Variants in TENM2 observed in about 807,000 individuals in gnomAD.
TENM2 encodes teneurin-2.
In TENM2, 52 loss-of-function variants were observed where a neutral mutation model predicts 245.2. The observed-to-expected ratio is 0.21, with a 90% CI of 0.17 to 0.27. The LOEUF (loss-of-function observed/expected upper bound fraction) is 0.27. Among genes scored for constraint, TENM2 ranks in the 10% least tolerant of loss-of-function variants. The probability of loss-of-function intolerance (pLI) is 1.00; values close to 1 mark genes in which losing one functional copy is unlikely to be tolerated. For synonymous variants in TENM2, 1,363 were observed against 1,438.9 expected (o/e 0.95, Z 1.19); for missense variants, 3,046 against 3,666.8 (o/e 0.83, Z 4.37).
At chr5:167,350,596 A>ATGGATATATATATGGGATATATATATG (rs1758781406) in intron 1 of TENM2, among the ~76,000 whole-genome samples, 1 of 136,274 alleles carries the variant, frequency 7.3e-6, no homozygotes. Context: ...ATATATATAT[A>ATGGATATATATATGGGATATATATATG]TGGATATATA....
At chr5:167,613,785 T>G (rs1267247242) in intron 2 of TENM2, among the ~76,000 whole-genome samples, 5 of 152,190 alleles carry the variant, frequency 3.3e-5, no homozygotes, top group Admixed American at 2.6e-4. Context: ...AGTGTCATAT[T>G]TTAACACAGC....
In TENM2 at chr5:168,241,762, G is replaced by A. The variant is rs550534616; in HGVS notation, c.5521-2658G>A. Among the ~76,000 whole-genome samples, 10 of 152,248 alleles carry A rather than the reference G, an allele frequency of 6.6e-5. No homozygotes were observed. In the South Asian group the frequency reaches 2.1e-3, roughly 32 times the overall value. Reference sequence around the variant, plus strand: ...TTCTATGTCATGAAAGTGAAAATGGGATCAGGTATGTAAAGTACCTAGCAT... The same window carrying A: ...TTCTATGTCATGAAAGTGAAAATGGAATCAGGTATGTAAAGTACCTAGCAT... On this transcript the variant is annotated intron_variant, in intron 25 of 28. Transcript: ENST00000518659.
intron 13 of TENM2, chr5:168,165,917 T>C (rs1207227599): frequency 6.6e-6 from 1 of 152,048 alleles, no homozygotes; most frequent in East Asian, 1.9e-4. Flanking sequence ...CATAAGCAAT[T>C]CACAATTAAC....
chr5:168,063,023 A>G (rs1282669588), intron 7 of TENM2, among the ~76,000 whole-genome samples: 1 of 152,330 alleles, frequency 6.6e-6, no homozygotes, highest in Admixed American at 6.5e-5. Flanking sequence ...TGTCGTATGA[A>G]TTTTATCTCC....
At chr5:167,737,727 G>A (rs564767481) in intron 2 of TENM2, among the ~76,000 whole-genome samples, 2 of 152,320 alleles carry the variant, frequency 1.3e-5, no homozygotes, top group East Asian at 3.9e-4. Context: ...TGTTGATGTA[G>A]CACTGCCTCT....
intron 1 of TENM2, among the ~76,000 whole-genome samples, chr5:167,312,410 T>G (rs1447572217): frequency 6.6e-6 from 1 of 152,102 alleles, no homozygotes; most frequent in Admixed American, 6.5e-5. Context: ...AAATATTGCT[T>G]AGAGTTCATG....
At chr5:168,206,266 T>C (rs1325403595) in intron 19 of TENM2, among the ~76,000 whole-genome samples, 2 of 151,996 alleles carry the variant, frequency 1.3e-5, no homozygotes, top group Admixed American at 6.6e-5. Flanking sequence ...GAGCCAAGAG[T>C]GTGCCAGGGA....
At chr5:167,630,849 C>T (rs1306845640) in intron 2 of TENM2, among the ~76,000 whole-genome samples, 1 of 152,182 alleles carries the variant, frequency 6.6e-6, no homozygotes, top group East Asian at 1.9e-4. Flanking sequence ...GGGAAAGCCC[C>T]AGAGTGGGAA....
intron 2 of TENM2, among the ~76,000 whole-genome samples, chr5:167,632,631 C>T (rs1778948239): frequency 6.6e-6 from 1 of 152,250 alleles, no homozygotes; most frequent in South Asian, 2.1e-4. Context: ...ATTTGGAGCA[C>T]ACCAGTATAG....
In TENM2 at chr5:167,669,862, GT is replaced by G. The variant is rs5873056; in HGVS notation, c.503-206113del. Among the ~76,000 whole-genome samples the G allele has an allele frequency of 2.0e-3, 302 of 148,172 alleles. 5 individuals are homozygous for G. The Middle Eastern group carries it at 0.042, about 21-fold the overall frequency. ...AAAATCTATTGCTGCCACTTTTGAGGTTTTTTTTTTTAAATAAAAGACTATT... is the reference window on the plus strand; with the variant it reads ...AAAATCTATTGCTGCCACTTTTGAGGTTTTTTTTTTAAATAAAAGACTATT... On this transcript the variant is annotated intron_variant, in intron 2 of 28. Transcript: ENST00000518659.
At chr5:167,331,109 G>T (rs553089723) in intron 1 of TENM2, among the ~76,000 whole-genome samples, 1 of 151,766 alleles carries the variant, frequency 6.6e-6, no homozygotes, top group African/African-American at 2.4e-5. Flanking sequence ...GGTGGCACGT[G>T]CCTGTAGTCC....
intron 2 of TENM2, among the ~76,000 whole-genome samples, chr5:167,518,492 A>G (rs1484527436): frequency 6.6e-6 from 1 of 152,214 alleles, no homozygotes; most frequent in East Asian, 1.9e-4. Context: ...AAACAATTGA[A>G]TGTTTGTAAT....
the TENM2 span, among the ~76,000 whole-genome samples, chr5:167,052,744 C>A: frequency 6.6e-6 from 1 of 150,906 alleles, no homozygotes; most frequent in South Asian, 2.1e-4. Context: ...AAGTTTACAT[C>A]GTAAGCTAAG....
the TENM2 span, among the ~76,000 whole-genome samples, chr5:167,032,012 A>T: frequency 6.6e-6 from 1 of 152,164 alleles, no homozygotes; most frequent in African/African-American, 2.4e-5. Flanking sequence ...GACAGCCATG[A>T]CTGCTGGATT....
intron 2 of TENM2, among the ~76,000 whole-genome samples, chr5:167,858,589 C>T (rs1399769192): frequency 5.3e-5 from 8 of 151,918 alleles, no homozygotes; most frequent in African/African-American, 1.7e-4. Flanking sequence ...TTAGGGAGCC[C>T]GTCCGGCCAT....
chr5:167,336,406 T>C (rs1209984459), intron 1 of TENM2, among the ~76,000 whole-genome samples: 2 of 151,788 alleles, frequency 1.3e-5, no homozygotes, highest in African/African-American at 4.8e-5. Flanking sequence ...GTTTTTTTTT[T>C]TTCTTTGCTT....
chr5:167,770,416 G>A (rs897913196), intron 2 of TENM2, among the ~76,000 whole-genome samples: 5 of 152,164 alleles, frequency 3.3e-5, no homozygotes, highest in South Asian at 2.1e-4. Context: ...CTGGAGAAGC[G>A]ATAAGAACCA....
intron 4 of TENM2, among the ~76,000 whole-genome samples, chr5:167,992,215 T>C (rs1783718366): frequency 6.6e-6 from 1 of 151,876 alleles, no homozygotes; most frequent in South Asian, 2.1e-4. Context: ...AAATCACCAC[T>C]AAAGAACTTG....
At chr5:167,010,787 G>A in the TENM2 span, among the ~76,000 whole-genome samples, 1 of 151,962 alleles carries the variant, frequency 6.6e-6, no homozygotes, top group African/African-American at 2.4e-5. Flanking sequence ...ATGAACCTAG[G>A]GTTATTGCTT....
Sources: gnomAD v4.1 joint callset for allele counts (sites outside exome capture counted in the v4.1 genomes callset) on GRCh38, gnomAD v4.1.1 for gene constraint, MANE v1.5 for transcripts, NCBI Gene and HGNC (gene_info 2026-07-23, HGNC 2026-07-21) for gene names.